Variants in SS18L1 observed in about 807,000 individuals in gnomAD.
SS18L1 encodes calcium-responsive transactivator.
A neutral mutation model predicts 70.3 loss-of-function variants in SS18L1; 32 were observed. That is an observed-to-expected ratio of 0.46 (90% confidence interval 0.34 to 0.61). SS18L1 has a LOEUF of 0.61. SS18L1 is among the 20% of genes least tolerant of loss of function. The pLI is 0.01. For synonymous variants in SS18L1, 237 were observed against 229.7 expected, an observed-to-expected ratio of 1.03 and a Z score of -0.29; for missense variants, 430 against 542.1, an observed-to-expected ratio of 0.79 and a Z score of 2.05.
intron 10 of SS18L1, 39 bp from the exon 11 acceptor site, chr20:62,179,143 T>C: frequency 6.2e-7 from 1 of 1,613,128 alleles, no homozygotes; most frequent in Non-Finnish European, 8.5e-7. Flanking sequence ...CTTTCACTCA[T>C]TACTATAGGG....
chr20:62,151,977 G>C (rs544512681), intron 1 of SS18L1, among the ~76,000 whole-genome samples: 4 of 138,576 alleles, frequency 2.9e-5, no homozygotes, highest in Non-Finnish European at 4.6e-5. Context: ...CTCTTTTCCC[G>C]GTCCCCAGGG....
chr20:62,178,951 C>T (rs2057666983), intron 10 of SS18L1, among the ~76,000 whole-genome samples: 1 of 152,196 alleles, frequency 6.6e-6, no homozygotes, highest in South Asian at 2.1e-4. Flanking sequence ...CAGGCCCGGC[C>T]GCAGCGATGC....
In SS18L1 at chr20:62,143,810, G is replaced by T. The variant is rs767199985; in HGVS notation, c.-11G>T. The T allele has an allele frequency of 7.5e-7, 1 of 1,338,706 alleles. No individual in the cohort carries two copies. 82.9% of individuals were successfully genotyped at this position (1,338,706 alleles called of 1,614,324 possible). A position where few individuals can be genotyped will look rare whatever the true frequency, so the allele number is the denominator to read the frequency against. ...CCTCGATGACCACGGGCTGAGCCCC[G>T]CGCCGCCACCATGTCCGTGGCCTTC... On this transcript the variant is annotated 5_prime_UTR_variant, in exon 1 of 11. Transcript: ENST00000331758.
chr20:62,146,525 TCTC>T (rs1004330431), intron 1 of SS18L1, among the ~76,000 whole-genome samples: 1 of 151,656 alleles, frequency 6.6e-6, no homozygotes, highest in African/African-American at 2.4e-5. Context: ...TACCTGCTCT[TCTC>T]CTGGCTTCTG....
chr20:62,150,089 C>T (rs958639436), intron 1 of SS18L1, among the ~76,000 whole-genome samples: 1 of 152,244 alleles, frequency 6.6e-6, no homozygotes, highest in African/African-American at 2.4e-5. Context: ...ATTGCACACA[C>T]ACGTCAAGCA....
At chr20:62,153,879 G>GAGGA (rs1451093095) in intron 1 of SS18L1, among the ~76,000 whole-genome samples, 1 of 152,124 alleles carries the variant, frequency 6.6e-6, no homozygotes. Context: ...CTGAGAACAG[G>GAGGA]TGTTTGGGAT....
In SS18L1 at chr20:62,179,552, C is replaced by G; in HGVS notation, c.*344C>G. The G allele has an allele frequency of 2.6e-6, 1 of 388,506 alleles. No homozygotes were observed. The highest frequency in any genetic ancestry group is 2.0e-5 in the African/African-American group (1 of 50,112). The allele number at this position is 388,506 out of a possible 1,614,324, so 24.1% of individuals were successfully genotyped here. ...TTCTGTGCCCAGGGACAGGACAGAT[C>G]TCGAGGACACCACAGTCCACCTGTT... On this transcript the variant is annotated 3_prime_UTR_variant, in exon 11 of 11. Coordinates refer to ENST00000331758, the MANE Select transcript of SS18L1 (RefSeq NM_198935.3).
chr20:62,182,469 T>A lies in SS18L1; in HGVS notation c.*3261T>A, dbSNP rs966661428. On this transcript the variant is annotated 3_prime_UTR_variant, in exon 11 of 11. Transcript: ENST00000331758. The stretch of plus-strand genomic sequence containing the variant: ...CTTTTGGTGTAATCTCTTAATAAAC[T>A]GGTTCTTCAAAAATCATCCTATAAA... 4 of 188,638 alleles carry A rather than the reference T, an allele frequency of 2.1e-5. No homozygotes were observed. In the East Asian group the frequency reaches 3.4e-4, roughly 16 times the overall value. The allele number at this position is 188,638 out of a possible 1,614,324, so 11.7% of individuals were successfully genotyped here. A position where few individuals can be genotyped will look rare whatever the true frequency, so the allele number is the denominator to read the frequency against.
chr20:62,169,103 G>T (rs879735844), intron 8 of SS18L1, among the ~76,000 whole-genome samples: 1 of 152,222 alleles, frequency 6.6e-6, no homozygotes, highest in African/African-American at 2.4e-5. Context: ...CCGCGTTCGC[G>T]TCACAGTGAG....
At chr20:62,154,360 G>C (rs932013253) in intron 1 of SS18L1, 2 of 1,050,762 alleles carry the variant, frequency 1.9e-6, no homozygotes, top group African/African-American at 1.7e-5. Context: ...GGGTCTGAAA[G>C]TGCGTCCATT....
At chr20:62,179,108 C>T (rs1045994585) in intron 10 of SS18L1, 74 bp from the exon 11 acceptor site, 67 of 1,549,756 alleles carry the variant, frequency 4.3e-5, no homozygotes, top group South Asian at 1.5e-4. Context: ...ACCCCCTGTC[C>T]GGGCTGGGGT....
In SS18L1 at chr20:62,158,910, C is replaced by G. The variant is rs902823096; in HGVS notation, c.146+162C>G. ...GTCCCAGGAGTCCCCTGCACAGAGG[C>G]CAGATATGTCCCAGGAGTCCCCCAG... On this transcript the variant is annotated intron_variant, in intron 2 of 10. Transcript: ENST00000331758. The surrounding 1 kb of genome is among the most constrained non-coding windows in gnomAD (Gnocchi z 4.5). 1 of 1,593,872 alleles carries G rather than the reference C, an allele frequency of 6.3e-7. No individual in the cohort carries two copies. The highest frequency in any genetic ancestry group is 2.3e-5 in the East Asian group (1 of 44,108).
chr20:62,172,086 C>CGGGG (rs1463347828), intron 8 of SS18L1, among the ~76,000 whole-genome samples: 6 of 151,352 alleles, frequency 4.0e-5, no homozygotes, highest in African/African-American at 1.5e-4. Flanking sequence ...GGCGTGAACC[C>CGGGG]GGGTGGGGCG....
rs2057719927 is a variant in SS18L1, at chr20:62,182,098, G to GATTA, written c.*2892_*2895dup. ...CTCATGCCAACAGTCTTTATGATGGGATTAAGGTGGACAAGATCTCCTAAG... is the reference window on the plus strand; with the variant it reads ...CTCATGCCAACAGTCTTTATGATGGGATTAATTAAGGTGGACAAGATCTCCTAAG... On this transcript the variant is annotated 3_prime_UTR_variant, in exon 11 of 11. Coordinates refer to ENST00000331758, the MANE Select transcript of SS18L1 (RefSeq NM_198935.3). 4.4e-6 allele frequency: 1 copy of GATTA among 228,632 alleles called. No individual in the cohort carries two copies. The allele number at this position is 228,632 out of a possible 1,614,324, so 14.2% of individuals were successfully genotyped here.
rs2057293537 is a variant in SS18L1, at chr20:62,159,897, G to A, written c.167G>A (p.Arg56Gln). ...TGCAGGTACCAGCAGATCCTGCACCGGAACCTGGTATACCTGGCCACGATC... is the reference window on the plus strand; with the variant it reads ...TGCAGGTACCAGCAGATCCTGCACCAGAACCTGGTATACCTGGCCACGATC... ...ECTQYQQILH[R>Q]NLVYLATIAD... The change falls in exon 3 of 11, where the codon CGG becomes CAG. Residue 56 changes from arginine (R) to glutamine (Q), a missense_variant. Arg to Gln is a conservative substitution (Grantham distance 43). Transcript: ENST00000331758. The surrounding 1 kb of genome is among the most constrained non-coding windows in gnomAD (Gnocchi z 4.4). 3.1e-6 allele frequency: 5 copies of A among 1,612,610 alleles called. No individual in the cohort carries two copies. Among genetic ancestry groups the A allele is most frequent in the East Asian group, 2.2e-5 (1 of 44,834 alleles).
chr20:62,172,900 G>A, intron 9 of SS18L1, 99 bp downstream of exon 9: 1 of 1,562,178 alleles, frequency 6.4e-7, no homozygotes, highest in Non-Finnish European at 8.7e-7. Flanking sequence ...GAGCTACCCT[G>A]GGCAGCAGCA....
rs1004745604 is a variant in SS18L1, at chr20:62,181,248, C to T, written c.*2040C>T. 2 of 204,934 alleles carry T rather than the reference C, an allele frequency of 9.8e-6. No homozygotes were observed. The highest frequency in any genetic ancestry group is 2.0e-5 in the Non-Finnish European group (2 of 100,018). The allele number at this position is 204,934 out of a possible 1,614,324, so 12.7% of individuals were successfully genotyped here. A position where few individuals can be genotyped will look rare whatever the true frequency, so the allele number is the denominator to read the frequency against. ...AAAAATAAACGTATGTGTTCATATT[C>T]GATCACCGAAATGAGAGTTCTTAAT... On this transcript the variant is annotated 3_prime_UTR_variant, in exon 11 of 11. Transcript: ENST00000331758.
intron 4 of SS18L1, among the ~76,000 whole-genome samples, chr20:62,162,219 C>T (rs111986637): frequency 0.055 from 8,409 of 152,260 alleles, 787 homozygotes; most frequent in African/African-American, 0.19. Flanking sequence ...CAGAGCCAGA[C>T]CCTGTCTCAG....
rs1054326547 is a variant in SS18L1, at chr20:62,159,206, C to T, written c.146+458C>T. ...GGCCAACAGCCAGCGCACCAGGAGA[C>T]AGCACCTACTCCAGGTGGGACCTCC... On this transcript the variant is annotated intron_variant, in intron 2 of 10. Transcript: ENST00000331758. The surrounding 1 kb of genome is among the most constrained non-coding windows in gnomAD (Gnocchi z 4.4). Among the ~76,000 whole-genome samples the T allele has an allele frequency of 6.6e-6, 1 of 152,198 alleles. No homozygotes were observed. The highest frequency in any genetic ancestry group is 1.5e-5 in the Non-Finnish European group (1 of 68,034).
Sources: allele counts gnomAD v4.1 joint callset (sites outside exome capture counted in the v4.1 genomes callset), GRCh38; gene constraint gnomAD v4.1.1; non-coding constraint Gnocchi (gnomAD v3.1); transcripts MANE v1.5; gene names NCBI Gene and HGNC (gene_info 2026-07-23, HGNC 2026-07-21).